The following SLC6A5 variants were observed in gnomAD, a reference collection of about 807,000 sequenced individuals.
SLC6A5 encodes the protein sodium- and chloride-dependent glycine transporter 2.
In SLC6A5, 58 loss-of-function variants were observed where a neutral mutation model predicts 90.5. The ratio of observed to expected loss-of-function variants is 0.64; its 90% CI spans 0.52 to 0.80. The LOEUF is 0.80. Among genes scored for constraint, SLC6A5 ranks in the 30% least tolerant of loss-of-function variants. The pLI is 0.00. For missense variants in SLC6A5, 1,015 were observed against 1,017.6 expected, an observed-to-expected ratio of 1.00 and a Z score of 0.03; for synonymous variants, 427 against 401.4, an observed-to-expected ratio of 1.06 and a Z score of -0.76.
intron 10 of SLC6A5, among the ~76,000 whole-genome samples, chr11:20,632,220 G>A (rs973663035): frequency 2.0e-5 from 3 of 152,118 alleles, no homozygotes; most frequent in African/African-American, 7.2e-5. Flanking sequence ...GAGCAGATAG[G>A]TTCTGTCCCA....
chr11:20,630,119 G>T (rs1268577196), intron 9 of SLC6A5, among the ~76,000 whole-genome samples: 1 of 152,048 alleles, frequency 6.6e-6, no homozygotes, highest in Non-Finnish European at 1.5e-5. Flanking sequence ...CTGACTTTTG[G>T]CTATAAACAA....
chr11:20,612,791 A>T (rs1322972335), intron 5 of SLC6A5, among the ~76,000 whole-genome samples: 1 of 152,168 alleles, frequency 6.6e-6, no homozygotes, highest in East Asian at 1.9e-4. Flanking sequence ...AACTGTTGGG[A>T]TTATAGGTGT....
At chr11:20,618,167 G>A (rs556848698) in intron 7 of SLC6A5, among the ~76,000 whole-genome samples, 1 of 152,226 alleles carries the variant, frequency 6.6e-6, no homozygotes, top group South Asian at 2.1e-4. Flanking sequence ...TTCCTCTCAG[G>A]GGCTGCCACT....
intron 6 of SLC6A5, 27 bp from the exon 7 acceptor site, chr11:20,617,724 TC>T (rs765673891): frequency 1.9e-6 from 3 of 1,606,394 alleles, no homozygotes; most frequent in Non-Finnish European, 2.6e-6. Flanking sequence ...TTTCTATCAC[TC>T]CCCCCATCCC....
intron 5 of SLC6A5, among the ~76,000 whole-genome samples, chr11:20,614,284 A>T (rs1235645172): frequency 1.3e-5 from 2 of 152,184 alleles, no homozygotes; most frequent in African/African-American, 4.8e-5. Flanking sequence ...TCTCTTCCTC[A>T]TAAGCTGTGT....
intron 13 of SLC6A5, among the ~76,000 whole-genome samples, chr11:20,646,144 A>T (rs372547686): frequency 2.1e-4 from 32 of 152,310 alleles, no homozygotes; most frequent in African/African-American, 7.5e-4. Context: ...GAGTGGTTTT[A>T]AAAACCTTCC....
rs781330809 is a variant in SLC6A5 at position 20,636,333 on chromosome 11, C to T, written c.1651C>T (p.Pro551Ser). ...QGPGIAFVVY[P>S]EALTRLPLSP... ...GCCAGGCATTGCATTTGTGGTTTAC[C>T]CGGAAGCCTTAACCAGGCTGCCTCT... Residue 551 changes from proline (P) to serine (S), a missense_variant, in exon 11 of 16, where the codon CCG (proline) becomes TCG (serine). Physicochemically the swap from Pro to Ser is moderately conservative, Grantham distance 74 (BLOSUM62 -1). Transcript: ENST00000525748. The T allele has an allele frequency of 3.5e-5, 56 of 1,613,480 alleles. No individual in the cohort carries two copies. Among genetic ancestry groups the T allele is most frequent in the Non-Finnish European group, 4.7e-5 (56 of 1,179,400 alleles).
intron 14 of SLC6A5, among the ~76,000 whole-genome samples, chr11:20,648,520 G>A (rs1853465627): frequency 6.6e-6 from 1 of 152,128 alleles, no homozygotes; most frequent in Non-Finnish European, 1.5e-5. Flanking sequence ...GAGTTGAAAA[G>A]GGTAGGCTTT....
chr11:20,617,915 T>C, intron 7 of SLC6A5, 31 bp downstream of exon 7: 1 of 1,610,598 alleles, frequency 6.2e-7, no homozygotes, highest in Non-Finnish European at 8.5e-7. Context: ...AAGAGAAAGC[T>C]GTGAGACACC....
chr11:20,643,770 G>A (rs1434690551), intron 13 of SLC6A5, among the ~76,000 whole-genome samples: 4 of 152,180 alleles, frequency 2.6e-5, no homozygotes, highest in East Asian at 1.9e-4. Context: ...TGGATGAATC[G>A]TCATACTGTT....
chr11:20,650,730 G>A (rs1055401572), intron 14 of SLC6A5, among the ~76,000 whole-genome samples: 1 of 135,230 alleles, frequency 7.4e-6, no homozygotes, highest in African/African-American at 2.7e-5. Context: ...GCAGTGGCGC[G>A]ATCTCGGCTC....
intron 9 of SLC6A5, 152 bp downstream of exon 9, chr11:20,628,235 C>T: frequency 1.4e-6 from 1 of 706,398 alleles, no homozygotes; most frequent in Non-Finnish European, 2.5e-6. Context: ...CCTGCTAAGG[C>T]CTAGGCACTA....
intron 7 of SLC6A5, among the ~76,000 whole-genome samples, chr11:20,619,629 C>CTT (rs11382540): frequency 3.4e-4 from 51 of 150,768 alleles, no homozygotes; most frequent in South Asian, 8.4e-4. Flanking sequence ...GCTTTAATTG[C>CTT]TTTTTTTTTG....
intron 6 of SLC6A5, among the ~76,000 whole-genome samples, chr11:20,617,022 T>C (rs1407188197): frequency 6.6e-6 from 1 of 152,254 alleles, no homozygotes; most frequent in Admixed American, 6.5e-5. Context: ...TATCAGGCAC[T>C]GTCCCTGAAG....
chr11:20,631,193 T>A (rs1490830941), intron 10 of SLC6A5, among the ~76,000 whole-genome samples: 2 of 152,218 alleles, frequency 1.3e-5, no homozygotes, highest in Admixed American at 6.5e-5. Flanking sequence ...TGCTGTAGGA[T>A]GACATTCATT....
At chr11:20,633,662 A>C (rs1173160212) in intron 10 of SLC6A5, among the ~76,000 whole-genome samples, 1 of 152,212 alleles carries the variant, frequency 6.6e-6, no homozygotes, top group Admixed American at 6.5e-5. Context: ...TCTCATAAGA[A>C]GACTAATAAT....
intron 6 of SLC6A5, among the ~76,000 whole-genome samples, chr11:20,617,372 A>C (rs917776100): frequency 6.6e-6 from 1 of 152,250 alleles, no homozygotes; most frequent in Non-Finnish European, 1.5e-5. Flanking sequence ...CTCATAAAAG[A>C]GTAGAGCAAT....
chr11:20,620,953 C>A (rs534913349), intron 7 of SLC6A5, among the ~76,000 whole-genome samples: 10 of 152,170 alleles, frequency 6.6e-5, no homozygotes, highest in African/African-American at 1.9e-4. Flanking sequence ...GAGCCCACCA[C>A]CACGCCCAGC....
intron 7 of SLC6A5, among the ~76,000 whole-genome samples, chr11:20,618,363 G>T (rs1183747160): frequency 6.6e-6 from 1 of 152,170 alleles, no homozygotes; most frequent in Non-Finnish European, 1.5e-5. Context: ...CATGTTCATG[G>T]CCTTCCTTGC....
Sources: gnomAD v4.1 joint callset for allele counts (sites outside exome capture counted in the v4.1 genomes callset) on GRCh38, gnomAD v4.1.1 for gene constraint, MANE v1.5 for transcripts, NCBI Gene and HGNC (gene_info 2026-07-23, HGNC 2026-07-21) for gene names.